The following AGBL4 variants were observed in gnomAD, a reference collection of about 807,000 sequenced individuals.
AGBL4 encodes AGBL carboxypeptidase 4.
In AGBL4, 58 loss-of-function variants were observed where a neutral mutation model predicts 66.4. The observed-to-expected ratio is 0.87, with a 90% confidence interval of 0.71 to 1.09. The LOEUF is 1.09. Ranked by LOEUF, AGBL4 falls within the 50% of genes least tolerant of loss-of-function variation. The pLI, the probability that AGBL4 is intolerant of heterozygous loss-of-function variation, is 0.00. For missense variants in AGBL4, 579 were observed against 631.0 expected (o/e 0.92, Z 0.88); for synonymous variants, 234 against 222.9 (o/e 1.05, Z -0.44).
intron 4 of AGBL4, among the ~76,000 whole-genome samples, chr1:49,233,717 A>T (rs1389157030): frequency 1.3e-5 from 2 of 152,216 alleles, no homozygotes; most frequent in Admixed American, 6.5e-5. Flanking sequence ...TATAGGGACA[A>T]TAATATGTGA....
chr1:49,565,382 T>C (rs1390451945), intron 3 of AGBL4, among the ~76,000 whole-genome samples: 5 of 152,200 alleles, frequency 3.3e-5, no homozygotes, highest in Non-Finnish European at 7.3e-5. Flanking sequence ...TTAGTTGATG[T>C]TGTTTCTTCC....
At chr1:49,632,729 T>C (rs943888266) in intron 3 of AGBL4, among the ~76,000 whole-genome samples, 1 of 152,110 alleles carries the variant, frequency 6.6e-6, no homozygotes, top group East Asian at 1.9e-4. Context: ...GCCTTTGTCA[T>C]AGTAAGAAAA....
chr1:49,201,962 C>CA (rs936145605), intron 4 of AGBL4, among the ~76,000 whole-genome samples: 21 of 146,072 alleles, frequency 1.4e-4, no homozygotes, highest in East Asian at 6.0e-4. Context: ...CAATGAGTAC[C>CA]AAAAAAAAAA....
intron 3 of AGBL4, among the ~76,000 whole-genome samples, chr1:49,259,428 C>G (rs1460800898): frequency 6.6e-6 from 1 of 152,020 alleles, no homozygotes; most frequent in African/African-American, 2.4e-5. Context: ...TGTGCAGAGA[C>G]ACACATAGGC....
chr1:49,460,934 T>C (rs546798994), intron 3 of AGBL4, among the ~76,000 whole-genome samples: 1 of 151,820 alleles, frequency 6.6e-6, no homozygotes, highest in South Asian at 2.1e-4. Context: ...CCCCAATCCA[T>C]TCTAGTTTGC....
At chr1:49,397,999 C>T (rs1645006055) in intron 3 of AGBL4, among the ~76,000 whole-genome samples, 1 of 152,160 alleles carries the variant, frequency 6.6e-6, no homozygotes, top group Admixed American at 6.5e-5. Context: ...TGCAGAAAAT[C>T]TCATTAAAGT....
chr1:49,741,715 C>T (rs1214981860), intron 2 of AGBL4, among the ~76,000 whole-genome samples: 11 of 152,186 alleles, frequency 7.2e-5, no homozygotes. Flanking sequence ...ATCAAGGGGG[C>T]TTCATCCCTG....
chr1:48,534,197 G>A lies in AGBL4; in HGVS notation c.1488C>T (p.His496=). ...TTTAAAAAGGGGTTGAAGGGTCTTTGTGGTTCACTGAGCTCTTCTTGTCCC... is the reference window on the plus strand; with the variant it reads ...TTTAAAAAGGGGTTGAAGGGTCTTTATGGTTCACTGAGCTCTTCTTGTCCC... ...SKGDKKSSVN[H]KDPSTPF is the part of the protein sequence containing the mutation. Residue 496 remains histidine (H), a synonymous_variant, in exon 14 of 14, where the codon CAC becomes CAT. Transcript: ENST00000371839. The A allele has an allele frequency of 5.8e-6, 9 of 1,551,604 alleles. No homozygotes were observed. The highest frequency in any genetic ancestry group is 7.8e-6 in the Non-Finnish European group (9 of 1,146,928).
intron 6 of AGBL4, among the ~76,000 whole-genome samples, chr1:48,829,135 T>TG (rs1243223754): frequency 6.6e-6 from 1 of 152,204 alleles, no homozygotes; most frequent in Non-Finnish European, 1.5e-5. Flanking sequence ...GAAACAGTCA[T>TG]GAGCACTTGC....
intron 5 of AGBL4, among the ~76,000 whole-genome samples, chr1:49,042,116 C>T (rs1231847361): frequency 6.6e-6 from 1 of 151,956 alleles, no homozygotes; most frequent in Non-Finnish European, 1.5e-5. Context: ...ACAGAATATA[C>T]TTCTGGAAGT....
chr1:49,865,216 A>G (rs1646672396), intron 1 of AGBL4, among the ~76,000 whole-genome samples: 1 of 152,174 alleles, frequency 6.6e-6, no homozygotes, highest in African/African-American at 2.4e-5. Flanking sequence ...CAGATGAGTG[A>G]GATTCGCCCC....
At chr1:48,630,275 C>T (rs1044178117) in intron 9 of AGBL4, among the ~76,000 whole-genome samples, 2 of 152,190 alleles carry the variant, frequency 1.3e-5, no homozygotes, top group African/African-American at 4.8e-5. Flanking sequence ...AATGTCATCA[C>T]TAATACAAGG....
chr1:48,924,595 A>T (rs903210524), intron 5 of AGBL4, among the ~76,000 whole-genome samples: 1 of 152,206 alleles, frequency 6.6e-6, no homozygotes, highest in Admixed American at 6.5e-5. Context: ...AAGGGTAATA[A>T]AAAGGATAAA....
intron 3 of AGBL4, among the ~76,000 whole-genome samples, chr1:49,512,007 T>C (rs1436276174): frequency 1.3e-5 from 2 of 152,020 alleles, no homozygotes; most frequent in East Asian, 1.9e-4. Flanking sequence ...AAATGAGATA[T>C]AGGATATGTA....
At chr1:49,535,158 C>G (rs1309442484) in intron 3 of AGBL4, among the ~76,000 whole-genome samples, 2 of 152,026 alleles carry the variant, frequency 1.3e-5, no homozygotes, top group Non-Finnish European at 2.9e-5. Context: ...AGAAAATCCA[C>G]AAACTAACCC....
intron 3 of AGBL4, among the ~76,000 whole-genome samples, chr1:49,427,809 C>A (rs997688457): frequency 6.6e-6 from 1 of 152,214 alleles, no homozygotes; most frequent in Non-Finnish European, 1.5e-5. Flanking sequence ...CTTTTATTCC[C>A]TTATTTGGCC....
At chr1:49,855,243 C>T (rs565499440) in intron 1 of AGBL4, among the ~76,000 whole-genome samples, 2 of 152,146 alleles carry the variant, frequency 1.3e-5, no homozygotes, top group South Asian at 2.1e-4. Context: ...GCCCCCAACA[C>T]CAGAACATCC....
Position 49,121,778 on chromosome 1 carries a change from T to C in AGBL4, c.378-75978A>G, listed in dbSNP as rs561182409. 1.6e-3 allele frequency among the ~76,000 whole-genome samples: 241 copies of C among 152,366 alleles called. 4 individuals are homozygous for C. The highest frequency in any genetic ancestry group is 5.6e-3 in the African/African-American group (234 of 41,596). On this transcript the variant is annotated intron_variant, in intron 4 of 13. Transcript: ENST00000371839. ...TGGACGTTTAAGTCTGCAGAAGTTG[T>C]CTGCTGCCTTTTGTTCAGCTATGTC...
intron 2 of AGBL4, among the ~76,000 whole-genome samples, chr1:49,730,366 C>T (rs1649344292): frequency 6.6e-6 from 1 of 152,220 alleles, no homozygotes; most frequent in African/African-American, 2.4e-5. Flanking sequence ...AGAGCTGTTA[C>T]ATGCTCCCAT....
Sources: gnomAD v4.1 joint callset for allele counts (sites outside exome capture counted in the v4.1 genomes callset) on GRCh38, gnomAD v4.1.1 for gene constraint, MANE v1.5 for transcripts, NCBI Gene and HGNC (gene_info 2026-07-23, HGNC 2026-07-21) for gene names.